YAF2: variants seen among roughly 807,000 people sequenced by gnomAD.
The protein encoded by YAF2 is YY1 associated factor 2.
A neutral mutation model predicts 20.1 loss-of-function variants in YAF2; 7 were observed. That is an observed-to-expected ratio of 0.35 (90% CI 0.20 to 0.65). YAF2 has a LOEUF of 0.65. Ranked by LOEUF, YAF2 falls within the 30% of genes least tolerant of loss-of-function variation. YAF2 has a pLI of 0.69. For missense variants in YAF2, 151 were observed against 219.2 expected (o/e 0.69, Z 1.96); for synonymous variants, 74 against 76.0 (o/e 0.97, Z 0.14).
At chr12:42,187,816 C>G (rs2066511766) in intron 2 of YAF2, among the ~76,000 whole-genome samples, 1 of 152,144 alleles carries the variant, frequency 6.6e-6, no homozygotes, top group African/African-American at 2.4e-5. Flanking sequence ...CTTGTATAAC[C>G]AGGACACTGC....
At chr12:42,188,863 T>C (rs1014239327) in intron 2 of YAF2, among the ~76,000 whole-genome samples, 8 of 152,126 alleles carry the variant, frequency 5.3e-5, no homozygotes, top group African/African-American at 1.2e-4. Flanking sequence ...AAGATGAAGA[T>C]AGATGGTTCT....
At chr12:42,216,983 C>T (rs977124797) in intron 2 of YAF2, among the ~76,000 whole-genome samples, 1 of 152,182 alleles carries the variant, frequency 6.6e-6, no homozygotes, top group Non-Finnish European at 1.5e-5. Context: ...CTCCTAAACA[C>T]ATCTATAATA....
Position 42,185,667 on chromosome 12 carries a change from G to A in YAF2, c.153-23902C>T, listed in dbSNP as rs149538518. On this transcript the variant is annotated intron_variant, in intron 2 of 3. Transcript: ENST00000534854. The stretch of plus-strand genomic sequence containing the variant: ...ACCAGCAAAAAGATTACAACTAGCT[G>A]AAAGCTCAGATGGTCATTTGAATTT... Among the ~76,000 whole-genome samples, 766 of 152,294 alleles carry A rather than the reference G, an allele frequency of 5.0e-3. 5 individuals carry two copies. The highest frequency in any genetic ancestry group is 0.034 in the Middle Eastern group (10 of 294).
intron 2 of YAF2, among the ~76,000 whole-genome samples, chr12:42,221,337 C>T (rs2067505675): frequency 6.6e-6 from 1 of 152,222 alleles, no homozygotes; most frequent in South Asian, 2.1e-4. Flanking sequence ...CTTTGGGAGG[C>T]TGAGGCAGGA....
intron 2 of YAF2, among the ~76,000 whole-genome samples, chr12:42,188,712 T>C (rs1436153459): frequency 2.0e-5 from 3 of 151,976 alleles, no homozygotes; most frequent in Admixed American, 6.6e-5. Flanking sequence ...ATTTAAAAAA[T>C]GTTCTAAGTA....
At chr12:42,171,824 T>C (rs1178749473) in intron 2 of YAF2, among the ~76,000 whole-genome samples, 1 of 147,128 alleles carries the variant, frequency 6.8e-6, no homozygotes, top group South Asian at 2.1e-4. Flanking sequence ...ATTGGCCAGG[T>C]GTACTGGTGC....
chr12:42,160,969 CATAAA>C, intron 3 of YAF2, 143 bp from the exon 4 acceptor site: 1 of 642,038 alleles, frequency 1.6e-6, no homozygotes, highest in East Asian at 2.8e-5. Flanking sequence ...ACAAAAACAT[CATAAA>C]ATGTTTCAAC....
chr12:42,198,791 G>A (rs1333709229), intron 2 of YAF2, among the ~76,000 whole-genome samples: 1 of 152,124 alleles, frequency 6.6e-6, no homozygotes, highest in Non-Finnish European at 1.5e-5. Context: ...AAAGACATCT[G>A]AGGTGCCTTT....
At chr12:42,228,186 G>GGCCCCCCGCCCGGCCAGCCGCCCCGTCCT (rs1565658096) in intron 2 of YAF2, among the ~76,000 whole-genome samples, 8 of 35,848 alleles carry the variant, frequency 2.2e-4, no homozygotes, top group African/African-American at 3.6e-4. Flanking sequence ...CGCCCCGTCC[G>GGCCCCCCGCCCGGCCAGCCGCCCCGTCCT]GGAGGGAGGT....
intron 2 of YAF2, among the ~76,000 whole-genome samples, chr12:42,223,925 T>C (rs1592042545): frequency 1.3e-5 from 2 of 152,082 alleles, no homozygotes; most frequent in East Asian, 3.9e-4. Context: ...ACCTAATGCA[T>C]GCAGGTCTTA....
At chr12:42,232,866 C>G (rs2068023829) in intron 2 of YAF2, 7 of 985,232 alleles carry the variant, frequency 7.1e-6, no homozygotes, top group Non-Finnish European at 8.4e-6. Flanking sequence ...ATACTGTGTT[C>G]AGTTATAAAC....
intron 2 of YAF2, among the ~76,000 whole-genome samples, chr12:42,192,478 T>C (rs2066640254): frequency 6.6e-6 from 1 of 151,880 alleles, no homozygotes; most frequent in Non-Finnish European, 1.5e-5. Flanking sequence ...CACTGCACTC[T>C]AGCCTGGGCA....
intron 2 of YAF2, among the ~76,000 whole-genome samples, chr12:42,168,340 A>G (rs745469422): frequency 8.6e-5 from 13 of 151,922 alleles, no homozygotes; most frequent in Non-Finnish European, 1.6e-4. Context: ...CACCATGCCC[A>G]GCTAATTTTT....
chr12:42,200,997 A>C (rs1315627106), intron 2 of YAF2, among the ~76,000 whole-genome samples: 1 of 152,222 alleles, frequency 6.6e-6, no homozygotes, highest in African/African-American at 2.4e-5. Context: ...AGATTCATAA[A>C]GGGCTTAAAA....
intron 2 of YAF2, among the ~76,000 whole-genome samples, chr12:42,200,612 G>A (rs1263324252): frequency 6.6e-6 from 1 of 152,142 alleles, no homozygotes; most frequent in African/African-American, 2.4e-5. Context: ...TTAAGGAAAA[G>A]CATACAGTTC....
chr12:42,160,530 A>T lies in YAF2; in HGVS notation c.*59T>A. The stretch of plus-strand genomic sequence containing the variant: ...TCATGAAAATGTGGTACCTCTTGGC[A>T]TAATCTGTGTATTTGCATGGTAGGA... On this transcript the variant is annotated 3_prime_UTR_variant, in exon 4 of 4. Coordinates refer to ENST00000534854, the MANE Select transcript of YAF2 (RefSeq NM_005748.6). 1 of 1,319,632 alleles carries T rather than the reference A, an allele frequency of 7.6e-7. No homozygotes were observed. The highest frequency in any genetic ancestry group is 1.1e-6 in the Non-Finnish European group (1 of 930,388). The allele number at this position is 1,319,632 out of a possible 1,614,324, so 81.7% of individuals were successfully genotyped here. A position where few individuals can be genotyped will look rare whatever the true frequency, so the allele number is the denominator to read the frequency against.
intron 2 of YAF2, among the ~76,000 whole-genome samples, chr12:42,205,534 C>G (rs891596345): frequency 2.6e-5 from 4 of 152,126 alleles, no homozygotes; most frequent in Non-Finnish European, 5.9e-5. Flanking sequence ...GCCATCATGC[C>G]TGGCTAATTT....
At chr12:42,216,216 T>C (rs1369609128) in intron 2 of YAF2, among the ~76,000 whole-genome samples, 1 of 152,128 alleles carries the variant, frequency 6.6e-6, no homozygotes, top group East Asian at 1.9e-4. Flanking sequence ...ATTTAGTCTA[T>C]AAATATAAAC....
chr12:42,170,131 C>CTGGGGTT (rs2066009947), intron 2 of YAF2, among the ~76,000 whole-genome samples: 4 of 152,280 alleles, frequency 2.6e-5, no homozygotes, highest in Non-Finnish European at 5.9e-5. Context: ...CTCAGCCTCC[C>CTGGGGTT]AAAGTGCTGG....
Sources: allele counts gnomAD v4.1 joint callset (sites outside exome capture counted in the v4.1 genomes callset), GRCh38; gene constraint gnomAD v4.1.1; transcripts MANE v1.5; gene names NCBI Gene and HGNC (gene_info 2026-07-23, HGNC 2026-07-21).